Variants in CSMD1 observed in about 807,000 individuals in gnomAD.
CSMD1 encodes CUB and Sushi multiple domains 1, also known as CUB and sushi domain-containing protein 1.
Under a neutral mutation model 417.5 loss-of-function variants are expected in CSMD1, and 213 were observed. That is an observed-to-expected ratio of 0.51 (90% CI 0.46 to 0.57). CSMD1 has a LOEUF of 0.57. Among genes scored for constraint, CSMD1 ranks in the 20% least tolerant of loss-of-function variants. The pLI, the probability that CSMD1 is intolerant of heterozygous loss-of-function variation, is 0.00. For missense variants in CSMD1, 6,923 were observed against 4,529.7 expected (o/e 1.53, Z -15.17); for synonymous variants, 2,862 against 1,736.8 (o/e 1.65, Z -16.11).
intron 3 of CSMD1, among the ~76,000 whole-genome samples, chr8:4,352,145 G>C (rs60513394): frequency 3.9e-5 from 6 of 152,054 alleles, no homozygotes; most frequent in Admixed American, 2.0e-4. Context: ...CCCCAACTCA[G>C]AATATCATTT....
chr8:3,601,190 G>A (rs1027477150), intron 8 of CSMD1, among the ~76,000 whole-genome samples: 1 of 152,184 alleles, frequency 6.6e-6, no homozygotes, highest in Non-Finnish European at 1.5e-5. Context: ...TGGGATTCCT[G>A]TTCATGGGAG....
At chr8:4,587,333 G>C (rs906576005) in intron 2 of CSMD1, among the ~76,000 whole-genome samples, 1 of 152,036 alleles carries the variant, frequency 6.6e-6, no homozygotes, top group Non-Finnish European at 1.5e-5. Flanking sequence ...TTACACAACT[G>C]TAAAACTGTG....
intron 1 of CSMD1, among the ~76,000 whole-genome samples, chr8:4,937,671 A>T (rs940151216): frequency 3.3e-5 from 5 of 152,176 alleles, no homozygotes; most frequent in Admixed American, 3.3e-4. Context: ...CACCTCATTT[A>T]AAATAGAGCA....
intron 5 of CSMD1, among the ~76,000 whole-genome samples, chr8:3,839,151 T>C (rs1356102825): frequency 5.7e-5 from 7 of 123,846 alleles, no homozygotes; most frequent in Non-Finnish European, 1.1e-4. Flanking sequence ...ATAGTCTATA[T>C]ATCTATAGTC....
chr8:4,050,654 T>A (rs1177827668), intron 3 of CSMD1, among the ~76,000 whole-genome samples: 1 of 152,100 alleles, frequency 6.6e-6, no homozygotes, highest in Non-Finnish European at 1.5e-5. Context: ...ATCTTATTCG[T>A]TCTCTTTTTT....
At chr8:3,471,084 A>G (rs372928322) in intron 11 of CSMD1, among the ~76,000 whole-genome samples, 1 of 152,206 alleles carries the variant, frequency 6.6e-6, no homozygotes, top group South Asian at 2.1e-4. Context: ...GTATTTAAAG[A>G]AACTACCAAA....
At chr8:4,496,832 G>C (rs1005024306) in intron 2 of CSMD1, among the ~76,000 whole-genome samples, 3 of 152,130 alleles carry the variant, frequency 2.0e-5, no homozygotes, top group African/African-American at 7.2e-5. Context: ...TCAAGGTTTA[G>C]AAAAATGAGT....
chr8:4,923,550 C>T (rs1456862226), intron 1 of CSMD1, among the ~76,000 whole-genome samples: 2 of 151,826 alleles, frequency 1.3e-5, no homozygotes, highest in Admixed American at 6.6e-5. Flanking sequence ...ACTATGTGCC[C>T]ACATAACTTA....
At chr8:4,165,364 T>G (rs773852364) in intron 3 of CSMD1, among the ~76,000 whole-genome samples, 8 of 152,266 alleles carry the variant, frequency 5.3e-5, no homozygotes, top group Non-Finnish European at 1.2e-4. Context: ...CTTAGGACTC[T>G]AAAACAACTC....
At chr8:4,880,482 G>A (rs1315363589) in intron 1 of CSMD1, among the ~76,000 whole-genome samples, 1 of 152,066 alleles carries the variant, frequency 6.6e-6, no homozygotes, top group African/African-American at 2.4e-5. Flanking sequence ...GTGCTGTTGT[G>A]TAGCCCATGA....
chr8:4,909,651 G>T (rs915370247), intron 1 of CSMD1, among the ~76,000 whole-genome samples: 2 of 152,100 alleles, frequency 1.3e-5, no homozygotes, highest in Admixed American at 6.5e-5. Context: ...TGAGTGTAGG[G>T]GCCTCCTAAG....
intron 5 of CSMD1, among the ~76,000 whole-genome samples, chr8:3,850,556 A>G (rs1008187095): frequency 2.6e-5 from 4 of 152,142 alleles, no homozygotes; most frequent in African/African-American, 9.7e-5. Context: ...TTAGCCGGGC[A>G]TGATGGCTCT....
At chr8:4,030,315 C>A (rs1162146512) in intron 4 of CSMD1, among the ~76,000 whole-genome samples, 1 of 152,240 alleles carries the variant, frequency 6.6e-6, no homozygotes, top group Non-Finnish European at 1.5e-5. Context: ...AAACTTCTAT[C>A]TGGACATCTA....
chr8:4,078,587 A>G (rs1046889670), intron 3 of CSMD1, among the ~76,000 whole-genome samples: 9 of 151,126 alleles, frequency 6.0e-5, no homozygotes, highest in African/African-American at 2.2e-4. Context: ...TTAAACATAA[A>G]ATCTTCGTTA....
At chr8:3,187,512 G>T (rs1011908082) in intron 36 of CSMD1, among the ~76,000 whole-genome samples, 3 of 152,108 alleles carry the variant, frequency 2.0e-5, no homozygotes, top group Non-Finnish European at 4.4e-5. Context: ...TTCCCAGATT[G>T]CTTAATGTCA....
chr8:4,176,782 A>T (rs917572783), intron 3 of CSMD1, among the ~76,000 whole-genome samples: 10 of 149,762 alleles, frequency 6.7e-5, no homozygotes, highest in Admixed American at 5.4e-4. Context: ...TTGCAATCCT[A>T]GTCTCTGATA....
chr8:4,716,541 T>G (rs1808670438), intron 1 of CSMD1, among the ~76,000 whole-genome samples: 1 of 152,240 alleles, frequency 6.6e-6, no homozygotes, highest in South Asian at 2.1e-4. Context: ...TACTTTTAAT[T>G]GACAGATAAA....
rs1015008081 is a variant in CSMD1, at chr8:3,577,120, G to A, written c.1223-2054C>T. ...GTCATTGGCCCAGATGTTCCCAGCC[G>A]GAAAGATCCCTAAAGCTGGCCCCGC... On this transcript the variant is annotated intron_variant, in intron 9 of 69. Transcript: ENST00000635120. 1.6e-4 allele frequency among the ~76,000 whole-genome samples: 24 copies of A among 152,264 alleles called. No individual in the cohort carries two copies. In the East Asian group the frequency reaches 2.7e-3, roughly 17 times the overall value.
intron 3 of CSMD1, among the ~76,000 whole-genome samples, chr8:4,226,453 G>A (rs1052260623): frequency 1.3e-5 from 2 of 151,968 alleles, no homozygotes; most frequent in Non-Finnish European, 1.5e-5. Flanking sequence ...AAACAGCAAA[G>A]AATTAAAATA....
Sources: gnomAD v4.1 joint callset for allele counts (sites outside exome capture counted in the v4.1 genomes callset) on GRCh38, gnomAD v4.1.1 for gene constraint, MANE v1.5 for transcripts, NCBI Gene and HGNC (gene_info 2026-07-23, HGNC 2026-07-21) for gene names.